VPS13C: variants seen among roughly 807,000 people sequenced by gnomAD.
VPS13C encodes the protein intermembrane lipid transfer protein VPS13C.
Under a neutral mutation model 456.8 loss-of-function variants are expected in VPS13C, and 358 were observed. The ratio of observed to expected loss-of-function variants is 0.78; its 90% confidence interval spans 0.72 to 0.86. The LOEUF is 0.86. Among genes scored for constraint, VPS13C ranks in the 40% least tolerant of loss-of-function variants. The pLI is 0.00. For missense variants in VPS13C, 4,818 were observed against 4,385.4 expected (o/e 1.10, Z -2.79); for synonymous variants, 1,578 against 1,486.7 (o/e 1.06, Z -1.41).
Position 62,000,636 on chromosome 15 carries a change from A to G in VPS13C, c.1291-10T>C, listed in dbSNP as rs1220153829. ...GAGTCTTCTCCAAGTCCTGTAAAAA[A>G]CAGAGGCACTTATAAACAAGAAATT... On this transcript the variant is annotated splice_polypyrimidine_tract_variant and intron_variant, in intron 15 of 84. Coordinates refer to ENST00000644861, the MANE Select transcript of VPS13C (RefSeq NM_020821.3). 1.3e-6 allele frequency: 2 copies of G among 1,591,084 alleles called. No homozygotes were observed. Among genetic ancestry groups the G allele is most frequent in the South Asian group, 1.2e-5 (1 of 84,364 alleles).
chr15:61,902,241 C>T (rs2043022611), intron 66 of VPS13C, among the ~76,000 whole-genome samples: 1 of 149,668 alleles, frequency 6.7e-6, no homozygotes, highest in Non-Finnish European at 1.5e-5. Context: ...TGCACATGTA[C>T]CCTAAAACTT....
At chr15:61,874,491 A>T (rs75135485) in intron 77 of VPS13C, among the ~76,000 whole-genome samples, 1,707 of 152,172 alleles carry the variant, frequency 0.011, 40 homozygotes, top group African/African-American at 0.039. Flanking sequence ...ATAATTTTTT[A>T]AGGCTCAGAG....
chr15:61,965,148 A>C (rs1181052652), intron 30 of VPS13C, among the ~76,000 whole-genome samples: 1 of 151,996 alleles, frequency 6.6e-6, no homozygotes, highest in African/African-American at 2.4e-5. Context: ...GGCTATGCTG[A>C]TATTCAACAT....
chr15:61,866,469 G>A, intron 81 of VPS13C: 2 of 984,532 alleles, frequency 2.0e-6, no homozygotes, highest in African/African-American at 1.7e-5. Context: ...GTTCTTAAAA[G>A]TAAGTCTCAG....
At position 61,908,884 on chromosome 15, in the gene VPS13C, T is replaced by C. The variant is rs547540898; in HGVS notation, c.8978+108A>G. 9 of 1,326,558 alleles carry C rather than the reference T, an allele frequency of 6.8e-6. No homozygotes were observed. The African/African-American group carries it at 1.2e-4, about 17-fold the overall frequency. The allele number at this position is 1,326,558 out of a possible 1,614,324, so 82.2% of individuals were successfully genotyped here. On this transcript the variant is annotated intron_variant, in intron 65 of 84. Coordinates refer to ENST00000644861, the MANE Select transcript of VPS13C (RefSeq NM_020821.3). ...TTAAAGATAAATACCATGTGTTCCA[T>C]ATCACCTTTCTAAAATCTAAAAACA...
Position 61,922,635 on chromosome 15 carries a change from T to A in VPS13C, c.6737A>T (p.Asp2246Val). Residue 2246 changes from aspartate (D) to valine (V), a missense_variant, in exon 54 of 85, where the codon GAT becomes GTT. Asp to Val is a radical substitution (Grantham distance 152, BLOSUM62 -3). Coordinates refer to ENST00000644861, the MANE Select transcript of VPS13C (RefSeq NM_020821.3). The stretch of plus-strand genomic sequence containing the variant: ...AACACCAAGAAACCAAGTGTTATAA[T>A]CATTAATCGATTTGATACCCCAAAG... ...ENLWGIKSIN[D>V]YNTWFLGVDT... 6.2e-7 allele frequency: 1 copy of A among 1,614,108 alleles called. No individual in the cohort carries two copies. The highest frequency in any genetic ancestry group is 1.1e-5 in the South Asian group (1 of 91,076).
At position 61,984,953 on chromosome 15, in the gene VPS13C, G is replaced by GT. The variant is rs2045997346; in HGVS notation, c.1624dup (p.Thr542AsnfsTer33). 6.2e-7 allele frequency: 1 copy of GT among 1,606,418 alleles called. No homozygotes were observed. Among genetic ancestry groups the GT allele is most frequent in the South Asian group, 1.1e-5 (1 of 88,994 alleles). On this transcript the variant is annotated frameshift_variant, in exon 19 of 85. Transcript: ENST00000644861. LOFTEE classifies it high-confidence loss of function. ...TGGAATATTCTTGTTTTCTCTTATC[G>GT]TAACAGAGGTGCTTACTAACTTCAG...
intron 15 of VPS13C, among the ~76,000 whole-genome samples, chr15:62,000,845 G>C (rs866238280): frequency 6.6e-6 from 1 of 152,012 alleles, no homozygotes; most frequent in Non-Finnish European, 1.5e-5. Flanking sequence ...ATTAAATATA[G>C]TATGAAAATA....
chr15:62,044,272 C>T lies in VPS13C; in HGVS notation c.101-17G>A. 1 of 1,427,678 alleles carries T rather than the reference C, an allele frequency of 7.0e-7. No homozygotes were observed. The highest frequency in any genetic ancestry group is 1.2e-5 in the South Asian group (1 of 81,434). The allele number at this position is 1,427,678 out of a possible 1,614,324, so 88.4% of individuals were successfully genotyped here. A position where few individuals can be genotyped will look rare whatever the true frequency, so the allele number is the denominator to read the frequency against. On this transcript the variant is annotated splice_polypyrimidine_tract_variant and intron_variant, in intron 1 of 84. Transcript: ENST00000644861. ...CCACATTTCCTTTAAAAAAAGAAAA[C>T]AAAGAAAAATATTACTATAACATAC...
At position 61,920,233 on chromosome 15, in the gene VPS13C, C is replaced by T. The variant is rs775643390; in HGVS notation, c.7311G>A (p.Lys2437=). 13 of 1,613,566 alleles carry T rather than the reference C, an allele frequency of 8.1e-6. No homozygotes were observed. The highest frequency in any genetic ancestry group is 1.0e-5 in the Non-Finnish European group (12 of 1,179,656). ...CCATTACTCTGAGATTACAATTGGG[C>T]TTCACCTTAATGGGAACACCTACAG... The part of the protein sequence containing the change: ...KNAVGVPIKV[K]PNCNLRVMGF... Residue 2437 remains lysine, a synonymous_variant, in exon 57 of 85, where the codon AAG becomes AAA. Transcript: ENST00000644861.
intron 66 of VPS13C, among the ~76,000 whole-genome samples, chr15:61,906,294 C>A (rs771293012): frequency 6.6e-6 from 1 of 152,172 alleles, no homozygotes; most frequent in Non-Finnish European, 1.5e-5. Flanking sequence ...TATCTGCTGA[C>A]TGAGGTGGAA....
intron 45 of VPS13C, among the ~76,000 whole-genome samples, chr15:61,942,412 T>C (rs1443975675): frequency 6.6e-6 from 1 of 151,928 alleles, no homozygotes; most frequent in East Asian, 1.9e-4. Context: ...TTATTTTAAA[T>C]TCAAATTTAA....
At chr15:61,954,794 T>C (rs2044930057) in intron 37 of VPS13C, among the ~76,000 whole-genome samples, 1 of 152,050 alleles carries the variant, frequency 6.6e-6, no homozygotes, top group Non-Finnish European at 1.5e-5. Context: ...AGACTCTATA[T>C]AAAATGCACT....
intron 42 of VPS13C, among the ~76,000 whole-genome samples, chr15:61,948,350 G>T (rs943308227): frequency 6.6e-6 from 1 of 152,070 alleles, no homozygotes; most frequent in South Asian, 2.1e-4. Flanking sequence ...TTTTACTCTA[G>T]TTTATAAGGA....
At chr15:61,979,076 G>A (rs963450502) in intron 22 of VPS13C, among the ~76,000 whole-genome samples, 1 of 151,922 alleles carries the variant, frequency 6.6e-6, no homozygotes. Context: ...CAGCTCCCCT[G>A]ACCCCCACCC....
intron 67 of VPS13C, among the ~76,000 whole-genome samples, chr15:61,887,215 A>G (rs1274268530): frequency 6.6e-6 from 1 of 152,260 alleles, no homozygotes; most frequent in Non-Finnish European, 1.5e-5. Flanking sequence ...TAAGGTTAAT[A>G]TACAAGTCAA....
At chr15:61,925,287 G>T (rs932645791) in intron 53 of VPS13C, among the ~76,000 whole-genome samples, 169 bp downstream of exon 53, 4 of 151,796 alleles carry the variant, frequency 2.6e-5, no homozygotes, top group Admixed American at 2.6e-4. Context: ...ACAAACATTT[G>T]CATTAAAGAA....
intron 53 of VPS13C, 106 bp from the exon 54 acceptor site, chr15:61,922,868 T>C (rs140232275): frequency 1.6e-4 from 144 of 897,650 alleles, no homozygotes; most frequent in Non-Finnish European, 2.1e-4. Context: ...GTGACATTTT[T>C]AAATTAAATT....
intron 69 of VPS13C, 88 bp from the exon 70 acceptor site, chr15:61,881,916 T>G (rs374604490): frequency 2.6e-6 from 3 of 1,156,140 alleles, no homozygotes; most frequent in East Asian, 2.5e-5. Flanking sequence ...GGCCACCACT[T>G]TCATCATAAT....
Sources: gnomAD v4.1 joint callset for allele counts (sites outside exome capture counted in the v4.1 genomes callset) on GRCh38, gnomAD v4.1.1 for gene constraint, MANE v1.5 for transcripts, NCBI Gene and HGNC (gene_info 2026-07-23, HGNC 2026-07-21) for gene names.